Variants in MBOAT2 observed in about 807,000 individuals in gnomAD.
The protein encoded by MBOAT2 is membrane bound glycerophospholipid O-acyltransferase 2.
In MBOAT2, 28 loss-of-function variants were observed where a neutral mutation model predicts 63.4. That is an observed-to-expected ratio of 0.44 (90% confidence interval 0.33 to 0.61). The LOEUF is 0.61. Among genes scored for constraint, MBOAT2 ranks in the 20% least tolerant of loss-of-function variants. The pLI is 0.03. For synonymous variants in MBOAT2, 211 were observed against 215.6 expected (o/e 0.98, Z 0.19); for missense variants, 470 against 605.8 (o/e 0.78, Z 2.35).
intron 5 of MBOAT2, among the ~76,000 whole-genome samples, chr2:8,883,403 C>T (rs1162155970): frequency 6.6e-6 from 1 of 152,016 alleles, no homozygotes; most frequent in East Asian, 1.9e-4. Flanking sequence ...CCATTTTCAC[C>T]TATTACAAGT....
chr2:8,897,975 T>C (rs1664610390), intron 4 of MBOAT2, among the ~76,000 whole-genome samples: 1 of 152,194 alleles, frequency 6.6e-6, no homozygotes, highest in African/African-American at 2.4e-5. Flanking sequence ...AGTGAGATCC[T>C]TTCCTTGTAT....
intron 3 of MBOAT2, among the ~76,000 whole-genome samples, chr2:8,940,054 T>TA (rs1667941048): frequency 6.6e-6 from 1 of 151,464 alleles, no homozygotes; most frequent in Non-Finnish European, 1.5e-5. Flanking sequence ...CGTCCTCAGT[T>TA]ACCTAACAAC....
chr2:8,890,509 T>C (rs754194874), intron 4 of MBOAT2, among the ~76,000 whole-genome samples: 1 of 152,162 alleles, frequency 6.6e-6, no homozygotes, highest in African/African-American at 2.4e-5. Context: ...TGGCACAAAA[T>C]ATGTGCTAAA....
intron 3 of MBOAT2, among the ~76,000 whole-genome samples, chr2:8,933,452 A>G (rs898516430): frequency 2.6e-5 from 4 of 152,110 alleles, no homozygotes; most frequent in Non-Finnish European, 5.9e-5. Context: ...GGGTTCAGCA[A>G]TCCTCCTGCC....
intron 3 of MBOAT2, among the ~76,000 whole-genome samples, chr2:8,934,065 T>C (rs959680719): frequency 6.6e-6 from 1 of 152,202 alleles, no homozygotes; most frequent in Non-Finnish European, 1.5e-5. Context: ...AATGCTATGT[T>C]CTGAAAATCT....
chr2:8,922,846 G>T (rs1666675681), intron 3 of MBOAT2, among the ~76,000 whole-genome samples: 1 of 152,184 alleles, frequency 6.6e-6, no homozygotes, highest in Admixed American at 6.5e-5. Context: ...GTTATATGAT[G>T]GACCACATCC....
At chr2:8,910,598 C>T (rs1372698946) in intron 3 of MBOAT2, among the ~76,000 whole-genome samples, 1 of 152,116 alleles carries the variant, frequency 6.6e-6, no homozygotes, top group Non-Finnish European at 1.5e-5. Context: ...TTCTAAGAAT[C>T]CTAAGCACAT....
At chr2:8,971,967 C>T (rs1466357201) in intron 1 of MBOAT2, among the ~76,000 whole-genome samples, 6 of 152,052 alleles carry the variant, frequency 3.9e-5, no homozygotes, top group Non-Finnish European at 8.8e-5. Context: ...GATTCAATGC[C>T]GTCCCCATCA....
chr2:8,907,180 CTTAAT>C (rs918929434), intron 4 of MBOAT2, among the ~76,000 whole-genome samples: 1 of 152,202 alleles, frequency 6.6e-6, no homozygotes, highest in African/African-American at 2.4e-5. Context: ...ATTCAAAGCT[CTTAAT>C]TTCTCTTTCA....
chr2:8,882,764 G>A lies in MBOAT2; in HGVS notation c.452-199C>T, dbSNP rs534921122. Among the ~76,000 whole-genome samples the A allele has an allele frequency of 1.7e-4, 26 of 152,250 alleles. No homozygotes were observed. In the East Asian group the frequency reaches 4.8e-3, roughly 28 times the overall value. On this transcript the variant is annotated intron_variant, in intron 5 of 12. Coordinates refer to ENST00000305997, the MANE Select transcript of MBOAT2 (RefSeq NM_138799.4). ...AGTCTCTATAAAATAACACATGGTT[G>A]GGTATCTGACTCCACTCTAAGGGGA...
At chr2:8,904,477 A>G (rs1665190635) in intron 4 of MBOAT2, among the ~76,000 whole-genome samples, 1 of 151,782 alleles carries the variant, frequency 6.6e-6, no homozygotes, top group African/African-American at 2.4e-5. Context: ...ATGCCAGCTA[A>G]TTTTTAAATT....
rs1462837236 is a variant in MBOAT2 at position 8,873,441 on chromosome 2, C to T, written c.691-141G>A. On this transcript the variant is annotated intron_variant, in intron 7 of 12. Transcript: ENST00000305997. ...GTCAAAATTCAAGAGCTACATTGCA[C>T]TTGGCATTTAAAGTCTTCCATGGTC... 10 of 836,986 alleles carry T rather than the reference C, an allele frequency of 1.2e-5. No homozygotes were observed. In the Admixed American group the frequency reaches 2.2e-4, roughly 18 times the overall value. The allele number at this position is 836,986 out of a possible 1,614,324, so 51.8% of individuals were successfully genotyped here.
intron 1 of MBOAT2, among the ~76,000 whole-genome samples, chr2:8,996,874 A>G (rs1243673456): frequency 6.6e-6 from 1 of 152,248 alleles, no homozygotes; most frequent in African/African-American, 2.4e-5. Flanking sequence ...TGTAAATGCC[A>G]GAACAATGCC....
chr2:8,875,764 C>A (rs893080526), intron 7 of MBOAT2, among the ~76,000 whole-genome samples: 1 of 152,208 alleles, frequency 6.6e-6, no homozygotes. Context: ...CCTGGAGATA[C>A]AAAACAGTCA....
At chr2:8,981,890 C>T (rs1671217893) in intron 1 of MBOAT2, among the ~76,000 whole-genome samples, 1 of 152,032 alleles carries the variant, frequency 6.6e-6, no homozygotes, top group Non-Finnish European at 1.5e-5. Flanking sequence ...AAATCCCAGG[C>T]CTTTTTTATT....
chr2:8,965,762 A>T (rs930432361), intron 1 of MBOAT2, among the ~76,000 whole-genome samples: 1 of 152,142 alleles, frequency 6.6e-6, no homozygotes, highest in African/African-American at 2.4e-5. Context: ...GCACTGTTCA[A>T]ATATGATAGC....
intron 3 of MBOAT2, among the ~76,000 whole-genome samples, chr2:8,935,664 A>G (rs1411910606): frequency 6.6e-6 from 1 of 152,274 alleles, no homozygotes; most frequent in Non-Finnish European, 1.5e-5. Flanking sequence ...TGTGCCCACA[A>G]TATGAAGCAT....
rs147981976 is a variant in MBOAT2, at chr2:8,882,853, G to A, written c.452-288C>T. Among the ~76,000 whole-genome samples, 43 of 152,142 alleles carry A rather than the reference G, an allele frequency of 2.8e-4. No homozygotes were observed. In the East Asian group the frequency reaches 6.9e-3, roughly 25 times the overall value. ...AATTATAATGTTATTATCCTTAATC[G>A]TAAATGCTATGACTTTTCGAAAAGG... On this transcript the variant is annotated intron_variant, in intron 5 of 12. Transcript: ENST00000305997.
At chr2:8,989,049 A>G (rs1671752430) in intron 1 of MBOAT2, among the ~76,000 whole-genome samples, 1 of 152,268 alleles carries the variant, frequency 6.6e-6, no homozygotes, top group Admixed American at 6.5e-5. Context: ...AAATGATTAG[A>G]TGACACTGTT....
Sources: gnomAD v4.1 joint callset for allele counts (sites outside exome capture counted in the v4.1 genomes callset) on GRCh38, gnomAD v4.1.1 for gene constraint, MANE v1.5 for transcripts, NCBI Gene and HGNC (gene_info 2026-07-23, HGNC 2026-07-21) for gene names.